The following GARIN5A variants were observed in gnomAD, a reference collection of about 807,000 sequenced individuals.
The protein encoded by GARIN5A is Golgi-associated RAB2 interactor protein 5A.
the GARIN5A span, chr19:50,475,393 G>T: frequency 6.2e-7 from 1 of 1,611,276 alleles, no homozygotes; most frequent in Non-Finnish European, 8.5e-7. Flanking sequence ...GGAGCTCCAG[G>T]GCTGGACTGG....
the GARIN5A span, among the ~76,000 whole-genome samples, chr19:50,470,059 T>C: frequency 6.6e-6 from 1 of 152,200 alleles, no homozygotes; most frequent in East Asian, 1.9e-4. Flanking sequence ...GCAGGTAGGT[T>C]GAGCTTGGCC....
chr19:50,471,263 C>A, the GARIN5A span, among the ~76,000 whole-genome samples: 1 of 151,946 alleles, frequency 6.6e-6, no homozygotes, highest in Non-Finnish European at 1.5e-5. Flanking sequence ...TGCACCCAGC[C>A]TTCTACTGCT....
chr19:50,471,100 G>T, the GARIN5A span, among the ~76,000 whole-genome samples: 3 of 152,026 alleles, frequency 2.0e-5, no homozygotes, highest in Non-Finnish European at 4.4e-5. Context: ...AAGTAGCTGG[G>T]ACTACAGGCA....
At chr19:50,476,304 C>A in the GARIN5A span, 1 of 1,597,240 alleles carries the variant, frequency 6.3e-7, no homozygotes. Context: ...GGCTTTATGA[C>A]GTCACACAAG....
At chr19:50,470,448 G>C in the GARIN5A span, among the ~76,000 whole-genome samples, 1 of 151,814 alleles carries the variant, frequency 6.6e-6, no homozygotes, top group Non-Finnish European at 1.5e-5. Flanking sequence ...GGGAGGCGGA[G>C]GTTGCAGTGA....
At chr19:50,470,408 G>T in the GARIN5A span, among the ~76,000 whole-genome samples, 1 of 152,032 alleles carries the variant, frequency 6.6e-6, no homozygotes, top group African/African-American at 2.4e-5. Flanking sequence ...AGCTACTTGG[G>T]AGGCTGAGGC....
the GARIN5A span, chr19:50,467,588 C>T: frequency 6.5e-7 from 1 of 1,547,248 alleles, no homozygotes; most frequent in South Asian, 1.2e-5. Context: ...TCCACCTCAT[C>T]ATCATCACCC....
At chr19:50,476,269 C>T in the GARIN5A span, 1 of 1,609,086 alleles carries the variant, frequency 6.2e-7, no homozygotes, top group Admixed American at 1.7e-5. Flanking sequence ...GGACTACGCG[C>T]ACTGTGACGT....
the GARIN5A span, among the ~76,000 whole-genome samples, chr19:50,473,470 G>C: frequency 1.3e-5 from 2 of 151,956 alleles, no homozygotes; most frequent in Non-Finnish European, 2.9e-5. Flanking sequence ...GATCCTCCTG[G>C]CTCAGCCCCA....
At chr19:50,468,727 C>G in the GARIN5A span, among the ~76,000 whole-genome samples, 1 of 152,144 alleles carries the variant, frequency 6.6e-6, no homozygotes, top group Admixed American at 6.6e-5. Flanking sequence ...CCTCGGCCTC[C>G]AGAGCAGCTG....
At chr19:50,471,939 TAA>T in the GARIN5A span, among the ~76,000 whole-genome samples, 504 of 138,922 alleles carry the variant, frequency 3.6e-3, 10 homozygotes, top group African/African-American at 0.014. Context: ...TGTATGTGTG[TAA>T]GTATATATAC....
the GARIN5A span, among the ~76,000 whole-genome samples, chr19:50,472,590 C>T: frequency 1.3e-5 from 2 of 152,114 alleles, no homozygotes; most frequent in Non-Finnish European, 2.9e-5. Flanking sequence ...TGGTGAAATA[C>T]AGTTAGCATT....
At chr19:50,468,546 G>A in the GARIN5A span, among the ~76,000 whole-genome samples, 1 of 151,894 alleles carries the variant, frequency 6.6e-6, no homozygotes, top group East Asian at 1.9e-4. Context: ...GAGTCGCTGT[G>A]GACTCCATGT....
At chr19:50,472,159 T>C in the GARIN5A span, among the ~76,000 whole-genome samples, 163 of 147,470 alleles carry the variant, frequency 1.1e-3, 2 homozygotes, top group East Asian at 0.014. Context: ...TGTGTATATG[T>C]ATGTATACGT....
At chr19:50,467,861 T>C in the GARIN5A span, 1 of 1,605,096 alleles carries the variant, frequency 6.2e-7, no homozygotes, top group South Asian at 1.1e-5. Flanking sequence ...CCTCAGGTTC[T>C]GACCCTGTCG....
chr19:50,468,318 C>T, the GARIN5A span, among the ~76,000 whole-genome samples: 144 of 146,856 alleles, frequency 9.8e-4, no homozygotes, highest in African/African-American at 3.4e-3. Context: ...GCCGAGATCA[C>T]GCCACTGCAC....
At chr19:50,470,998 C>A in the GARIN5A span, among the ~76,000 whole-genome samples, 1 of 151,940 alleles carries the variant, frequency 6.6e-6, no homozygotes, top group Non-Finnish European at 1.5e-5. Flanking sequence ...GGGTCCTGTT[C>A]CCATTGCCCA....
the GARIN5A span, among the ~76,000 whole-genome samples, chr19:50,470,172 A>C: frequency 1.3e-5 from 2 of 152,224 alleles, no homozygotes; most frequent in Admixed American, 6.5e-5. Flanking sequence ...GAGGCTGGAC[A>C]CAGCTTGGTG....
At chr19:50,471,898 A>G in the GARIN5A span, among the ~76,000 whole-genome samples, 1 of 150,674 alleles carries the variant, frequency 6.6e-6, no homozygotes, top group Non-Finnish European at 1.5e-5. Flanking sequence ...ATATGTATGC[A>G]TACATGTATG....
Sources: allele counts gnomAD v4.1 joint callset (sites outside exome capture counted in the v4.1 genomes callset), GRCh38; gene constraint gnomAD v4.1.1; transcripts MANE v1.5; gene names NCBI Gene and HGNC (gene_info 2026-07-23, HGNC 2026-07-21).